The following GARRE1 variants were observed in gnomAD, a reference collection of about 807,000 sequenced individuals.
GARRE1 encodes the protein granule associated Rac and RHOG effector protein 1.
GARRE1 carries 49 observed loss-of-function variants against 103.2 expected under a neutral mutation model. The ratio of observed to expected loss-of-function variants is 0.47; its 90% CI spans 0.38 to 0.60. GARRE1 has a LOEUF of 0.60. GARRE1 is among the 20% of genes least tolerant of loss of function. GARRE1 has a pLI of 0.00. For synonymous variants in GARRE1, 505 were observed against 532.8 expected (o/e 0.95, Z 0.72); for missense variants, 1,199 against 1,370.5 (o/e 0.87, Z 1.98).
At chr19:34,337,703 A>C (rs1029677421) in intron 8 of GARRE1, among the ~76,000 whole-genome samples, 1 of 152,246 alleles carries the variant, frequency 6.6e-6, no homozygotes, top group Non-Finnish European at 1.5e-5. Context: ...TAGCCACTTA[A>C]GGGCATTTTA....
chr19:34,308,097 T>C (rs1015570349), intron 2 of GARRE1, among the ~76,000 whole-genome samples: 12 of 151,924 alleles, frequency 7.9e-5, no homozygotes, highest in African/African-American at 2.9e-4. Flanking sequence ...ATTAAGGACC[T>C]TAATTCAGGT....
intron 8 of GARRE1, among the ~76,000 whole-genome samples, chr19:34,335,766 T>C (rs990945043): frequency 1.3e-5 from 2 of 152,226 alleles, no homozygotes; most frequent in Non-Finnish European, 2.9e-5. Context: ...CCTCAGGTGA[T>C]CCACCTGCTT....
At chr19:34,268,375 C>A (rs1302887895) in intron 1 of GARRE1, among the ~76,000 whole-genome samples, 1 of 151,974 alleles carries the variant, frequency 6.6e-6, no homozygotes, top group African/African-American at 2.4e-5. Context: ...CCCCTTTTTT[C>A]GTTGTTTCTT....
At chr19:34,294,023 A>G (rs947974535) in intron 1 of GARRE1, among the ~76,000 whole-genome samples, 4 of 151,868 alleles carry the variant, frequency 2.6e-5, no homozygotes, top group Non-Finnish European at 5.9e-5. Flanking sequence ...CAGCCTCCCA[A>G]AGTGCTGGGA....
At chr19:34,310,545 G>A (rs998090980) in intron 2 of GARRE1, among the ~76,000 whole-genome samples, 3 of 152,210 alleles carry the variant, frequency 2.0e-5, no homozygotes, top group African/African-American at 7.2e-5. Context: ...ACCCTTGCTC[G>A]CACTAGGGCC....
intron 12 of GARRE1, 78 bp from the exon 13 acceptor site, chr19:34,351,436 C>T (rs2074236354): frequency 1.8e-6 from 2 of 1,105,250 alleles, no homozygotes; most frequent in Admixed American, 3.4e-5. Context: ...ATGCTGGAGC[C>T]TAGCACTAGT....
At chr19:34,295,902 C>T (rs192520197) in intron 1 of GARRE1, among the ~76,000 whole-genome samples, 1 of 152,264 alleles carries the variant, frequency 6.6e-6, no homozygotes, top group African/African-American at 2.4e-5. Context: ...TGTCCCATCA[C>T]CATTTATTGA....
chr19:34,307,128 A>G (rs549357977), intron 2 of GARRE1, among the ~76,000 whole-genome samples: 1 of 152,164 alleles, frequency 6.6e-6, no homozygotes, highest in South Asian at 2.1e-4. Flanking sequence ...GAAGGGAGAG[A>G]AGCAGGGGTG....
Position 34,300,729 on chromosome 19 carries a change from G to T in GARRE1, c.256G>T (p.Ala86Ser), listed in dbSNP as rs754003690. 13 of 1,614,184 alleles carry T rather than the reference G, an allele frequency of 8.1e-6. No homozygotes were observed. The African/African-American group carries it at 1.6e-4, about 20-fold the overall frequency. Residue 86 changes from alanine (A) to serine (S), a missense_variant, in exon 2 of 14, where the codon GCC (alanine) becomes TCC (serine). Physicochemically the swap from Ala to Ser is moderately conservative, Grantham distance 99. Coordinates refer to ENST00000299505, the MANE Select transcript of GARRE1 (RefSeq NM_014686.5). ...IQQGISKYLD[A>S]LNVFCRASTF... ...GCAGGGCATCTCCAAGTATCTGGAT[G>T]CCCTGAACGTCTTCTGCCGTGCCAG...
intron 8 of GARRE1, among the ~76,000 whole-genome samples, chr19:34,334,961 T>A (rs936514869): frequency 9.9e-5 from 15 of 151,804 alleles, no homozygotes; most frequent in Admixed American, 9.2e-4. Flanking sequence ...GAGAACCGCT[T>A]GAGCCTGGGA....
chr19:34,260,637 C>T (rs2073711838), intron 1 of GARRE1, among the ~76,000 whole-genome samples: 1 of 152,108 alleles, frequency 6.6e-6, no homozygotes, highest in Non-Finnish European at 1.5e-5. Flanking sequence ...CCCACTAACT[C>T]GTCGTTTAGC....
chr19:34,293,094 T>G (rs1378202053), intron 1 of GARRE1, among the ~76,000 whole-genome samples: 2 of 152,190 alleles, frequency 1.3e-5, no homozygotes, highest in Non-Finnish European at 2.9e-5. Context: ...CTTACTGAAG[T>G]AATCAGTTTT....
chr19:34,351,332 C>G (rs1326701069), intron 12 of GARRE1, among the ~76,000 whole-genome samples, 182 bp from the exon 13 acceptor site: 5 of 152,186 alleles, frequency 3.3e-5, no homozygotes. Flanking sequence ...ACTGGCAGTG[C>G]AGGAGCGCCG....
intron 1 of GARRE1, among the ~76,000 whole-genome samples, chr19:34,288,779 A>G (rs1262470359): frequency 2.0e-5 from 3 of 152,238 alleles, no homozygotes; most frequent in Non-Finnish European, 2.9e-5. Context: ...CATAAGTTCT[A>G]GTAGTGTCCC....
rs897287131 is a variant in GARRE1 at position 34,324,699 on chromosome 19, G to A, written c.706-2722G>A. 2.6e-5 allele frequency among the ~76,000 whole-genome samples: 4 copies of A among 151,794 alleles called. No individual in the cohort carries two copies. In the South Asian group the frequency reaches 8.3e-4, roughly 32 times the overall value. On this transcript the variant is annotated intron_variant, in intron 3 of 13. Coordinates refer to ENST00000299505, the MANE Select transcript of GARRE1 (RefSeq NM_014686.5). ...TTTTTATTTATTTTTTTAAAGACAG[G>A]GTCTTGCTATGTTCCCAGGCCGGTC...
chr19:34,352,626 G>A, intron 13 of GARRE1, 21 bp from the exon 14 acceptor site: 1 of 1,595,708 alleles, frequency 6.3e-7, no homozygotes, highest in Non-Finnish European at 8.6e-7. Flanking sequence ...ATGCCACTAA[G>A]AACTCTCTTT....
intron 1 of GARRE1, among the ~76,000 whole-genome samples, chr19:34,277,086 T>G (rs1443909948): frequency 6.6e-6 from 1 of 152,056 alleles, no homozygotes; most frequent in Non-Finnish European, 1.5e-5. Context: ...AGGCAGGAGC[T>G]TTCTGGATAG....
chr19:34,317,197 C>G (rs1368798228), intron 2 of GARRE1, among the ~76,000 whole-genome samples: 1 of 152,224 alleles, frequency 6.6e-6, no homozygotes, highest in African/African-American at 2.4e-5. Flanking sequence ...CAGCAGCACC[C>G]GGCCTTGCAT....
chr19:34,342,139 A>C lies in GARRE1; in HGVS notation c.2205A>C (p.Gln735His). The stretch of plus-strand genomic sequence containing the variant: ...AACAACCTCAAGTCCAATACTACCA[A>C]CACCTACTCCAGCCCATTGGACCGC... Reference protein sequence around the residue: ...KQQQPQVQYYQHLLQPIGPQQ... With the variant: ...KQQQPQVQYYHHLLQPIGPQQ... The change falls in exon 10 of 14, where the codon CAA becomes CAC. Residue 735 changes from glutamine to histidine, a missense_variant. Physicochemically the swap from Gln to His is conservative, Grantham distance 24. Coordinates refer to ENST00000299505, the MANE Select transcript of GARRE1 (RefSeq NM_014686.5). The C allele has an allele frequency of 6.2e-7, 1 of 1,613,928 alleles. No homozygotes were observed.
Sources: gnomAD v4.1 joint callset for allele counts (sites outside exome capture counted in the v4.1 genomes callset) on GRCh38, gnomAD v4.1.1 for gene constraint, MANE v1.5 for transcripts, NCBI Gene and HGNC (gene_info 2026-07-23, HGNC 2026-07-21) for gene names.